Variants in PARP11 observed in about 807,000 individuals in gnomAD.
PARP11 encodes the protein protein mono-ADP-ribosyltransferase PARP11.
Under a neutral mutation model 42.9 loss-of-function variants are expected in PARP11, and 31 were observed. That is an observed-to-expected ratio of 0.72 (90% CI 0.54 to 0.98). The LOEUF is 0.98. Among genes scored for constraint, PARP11 ranks in the 50% least tolerant of loss-of-function variants. The probability of loss-of-function intolerance (pLI) is 0.00; values close to 1 mark genes in which losing one functional copy is unlikely to be tolerated. For missense variants in PARP11, 365 were observed against 413.1 expected, an observed-to-expected ratio of 0.88 and a Z score of 1.01; for synonymous variants, 137 against 127.3, an observed-to-expected ratio of 1.08 and a Z score of -0.51.
chr12:3,840,568 C>T lies in PARP11; in HGVS notation c.19-10550G>A. 2.6e-6 allele frequency: 4 copies of T among 1,534,974 alleles called. No homozygotes were observed. Among genetic ancestry groups the T allele is most frequent in the Non-Finnish European group, 3.6e-6 (4 of 1,108,120 alleles). ...TTCACAGATCATAAGAAAACCTGAT[C>T]GTGAAAGAGTTGAGGATTCTGATCA... On this transcript the variant is annotated intron_variant, in intron 1 of 7. Coordinates refer to ENST00000228820, the MANE Select transcript of PARP11 (RefSeq NM_020367.6). The surrounding 1 kb of genome is among the most constrained non-coding windows in gnomAD (Gnocchi z 4.4).
At chr12:3,855,609 C>T (rs1375420631) in intron 1 of PARP11, among the ~76,000 whole-genome samples, 1 of 152,164 alleles carries the variant, frequency 6.6e-6, no homozygotes, top group Non-Finnish European at 1.5e-5. Flanking sequence ...CAAAGCACTG[C>T]TCAACGAAAT....
intron 1 of PARP11, among the ~76,000 whole-genome samples, chr12:3,845,664 T>C (rs1387116191): frequency 6.6e-6 from 1 of 152,246 alleles, no homozygotes; most frequent in Non-Finnish European, 1.5e-5. Flanking sequence ...TTCTGTGTAC[T>C]GTGTTTTGCT....
At position 3,840,608 on chromosome 12, in the gene PARP11, C is replaced by G. The variant is rs1285048824; in HGVS notation, c.19-10590G>C. Reference sequence around the variant, plus strand: ...GATTCTGATCACACAAGTCGAGAATCTAACTATTGCTACTTCTCAGAGTAG... The same window carrying G: ...GATTCTGATCACACAAGTCGAGAATGTAACTATTGCTACTTCTCAGAGTAG... On this transcript the variant is annotated intron_variant, in intron 1 of 7. Coordinates refer to ENST00000228820, the MANE Select transcript of PARP11 (RefSeq NM_020367.6). This position sits in a 1 kb window ranked among gnomAD's most constrained non-coding sequence, Gnocchi z 4.4. 9 of 1,304,672 alleles carry G rather than the reference C, an allele frequency of 6.9e-6. No individual in the cohort carries two copies. The highest frequency in any genetic ancestry group is 1.5e-5 in the African/African-American group (1 of 68,704). 80.8% of individuals were successfully genotyped at this position (1,304,672 alleles called of 1,614,324 possible). A position where few individuals can be genotyped will look rare whatever the true frequency, so the allele number is the denominator to read the frequency against.
rs189208678 is a variant in PARP11, at chr12:3,856,329, G to C, written c.18+16883C>G. On this transcript the variant is annotated intron_variant, in intron 1 of 7. Coordinates refer to ENST00000228820, the MANE Select transcript of PARP11 (RefSeq NM_020367.6). ...CAAGAAACTACCATCAGAGTGAACA[G>C]GCAACCTACAGAATGGGAAAAAATT... 2.9e-3 allele frequency among the ~76,000 whole-genome samples: 444 copies of C among 152,234 alleles called. 3 individuals carry two copies. Among genetic ancestry groups the C allele is most frequent in the African/African-American group, 0.01 (431 of 41,518 alleles).
rs928444227 is a variant in PARP11 at position 3,855,261 on chromosome 12, T to A, written c.18+17951A>T. 2.6e-5 allele frequency among the ~76,000 whole-genome samples: 4 copies of A among 152,108 alleles called. No homozygotes were observed. In the East Asian group the frequency reaches 7.7e-4, roughly 29 times the overall value. On this transcript the variant is annotated intron_variant, in intron 1 of 7. Transcript: ENST00000228820. ...CCTCTCTCACCACTCCTATTCAACA[T>A]AGTGTTGAAAGTTCTGGCCAGGGCA...
At chr12:3,824,691 A>G (rs1046214561) in intron 4 of PARP11, 2 of 911,704 alleles carry the variant, frequency 2.2e-6, no homozygotes, top group African/African-American at 3.6e-5. Flanking sequence ...GACAGAACAA[A>G]GTGTTTGATC....
At chr12:3,862,879 C>G (rs1282990938) in intron 1 of PARP11, among the ~76,000 whole-genome samples, 1 of 152,040 alleles carries the variant, frequency 6.6e-6, no homozygotes, top group African/African-American at 2.4e-5. Context: ...CAAACTTGTT[C>G]TTCTTTTTCA....
rs550657228 is a variant in PARP11 at position 3,843,312 on chromosome 12, C to T, written c.19-13294G>A. ...CTACTCGAAAGAAATGTAGATGCTACGCATTTTGAAAATAATCTGCATCAG... is the reference window on the plus strand; with the variant it reads ...CTACTCGAAAGAAATGTAGATGCTATGCATTTTGAAAATAATCTGCATCAG... On this transcript the variant is annotated intron_variant, in intron 1 of 7. Coordinates refer to ENST00000228820, the MANE Select transcript of PARP11 (RefSeq NM_020367.6). 1.4e-4 allele frequency among the ~76,000 whole-genome samples: 21 copies of T among 152,254 alleles called. No homozygotes were observed. The South Asian group carries it at 1.5e-3, about 11-fold the overall frequency.
At chr12:3,826,264 C>A in intron 3 of PARP11, 31 bp from the exon 4 acceptor site, 1 of 1,451,926 alleles carries the variant, frequency 6.9e-7, no homozygotes, top group South Asian at 1.2e-5. Flanking sequence ...TTAGATAAGT[C>A]ATAAAAGTAC....
intron 4 of PARP11, among the ~76,000 whole-genome samples, chr12:3,825,404 A>C (rs1316638905): frequency 6.6e-6 from 1 of 152,212 alleles, no homozygotes; most frequent in Non-Finnish European, 1.5e-5. Context: ...GTCTCTACAA[A>C]TTTGAAATTA....
At chr12:3,846,211 A>G (rs1307842055) in intron 1 of PARP11, among the ~76,000 whole-genome samples, 2 of 152,130 alleles carry the variant, frequency 1.3e-5, no homozygotes, top group Non-Finnish European at 2.9e-5. Flanking sequence ...GAATGTATAA[A>G]ATAAGAGTAA....
At position 3,839,567 on chromosome 12, in the gene PARP11, G is replaced by A. The variant is rs956013199; in HGVS notation, c.19-9549C>T. 3 of 1,438,862 alleles carry A rather than the reference G, an allele frequency of 2.1e-6. No individual in the cohort carries two copies. In the African/African-American group the frequency reaches 4.2e-5, roughly 20 times the overall value. 89.1% of individuals were successfully genotyped at this position (1,438,862 alleles called of 1,614,324 possible). ...GCGATTATAGGAGGATCATTTGAAG[G>A]ATATTTAAAGCGCTTGGAAAATCCA... On this transcript the variant is annotated intron_variant, in intron 1 of 7. Coordinates refer to ENST00000228820, the MANE Select transcript of PARP11 (RefSeq NM_020367.6).
intron 3 of PARP11, 42 bp from the exon 4 acceptor site, chr12:3,826,275 A>G: frequency 1.4e-6 from 2 of 1,399,148 alleles, no homozygotes; most frequent in Non-Finnish European, 9.8e-7. Flanking sequence ...ATAAAAGTAC[A>G]CTGTACTATA....
chr12:3,815,782 T>C (rs1040580231), intron 6 of PARP11, among the ~76,000 whole-genome samples: 3 of 152,212 alleles, frequency 2.0e-5, no homozygotes, highest in East Asian at 1.9e-4. Context: ...ATAAACTGAA[T>C]GCAATAGATT....
At chr12:3,827,067 G>T (rs1055994209) in intron 3 of PARP11, among the ~76,000 whole-genome samples, 3 of 152,172 alleles carry the variant, frequency 2.0e-5, no homozygotes, top group Non-Finnish European at 4.4e-5. Flanking sequence ...ACTGTTCAGG[G>T]AAAAAGCAAG....
At chr12:3,852,322 T>A (rs1948112151) in intron 1 of PARP11, among the ~76,000 whole-genome samples, 1 of 152,126 alleles carries the variant, frequency 6.6e-6, no homozygotes, top group Admixed American at 6.5e-5. Flanking sequence ...AGAAGGTTGG[T>A]AATAACAAAC....
Position 3,826,245 on chromosome 12 carries a change from G to A in PARP11, c.269-12C>T, listed in dbSNP as rs768332783. On this transcript the variant is annotated splice_polypyrimidine_tract_variant and intron_variant, in intron 3 of 7. Coordinates refer to ENST00000228820, the MANE Select transcript of PARP11 (RefSeq NM_020367.6). ...CATTTGCTTCATTTCTGTATACAAAGACAAGATATTAGATAAGTCATAAAA... is the reference window on the plus strand; with the variant it reads ...CATTTGCTTCATTTCTGTATACAAAAACAAGATATTAGATAAGTCATAAAA... The A allele has an allele frequency of 1.9e-6, 3 of 1,566,194 alleles. No individual in the cohort carries two copies. The highest frequency in any genetic ancestry group is 2.6e-6 in the Non-Finnish European group (3 of 1,158,724).
Position 3,840,595 on chromosome 12 carries a change from A to G in PARP11, c.19-10577T>C. 1 of 1,401,414 alleles carries G rather than the reference A, an allele frequency of 7.1e-7. No individual in the cohort carries two copies. The highest frequency in any genetic ancestry group is 1.4e-5 in the African/African-American group (1 of 70,696). 86.8% of individuals were successfully genotyped at this position (1,401,414 alleles called of 1,614,324 possible). A position where few individuals can be genotyped will look rare whatever the true frequency, so the allele number is the denominator to read the frequency against. On this transcript the variant is annotated intron_variant, in intron 1 of 7. Transcript: ENST00000228820. The surrounding 1 kb of genome is among the most constrained non-coding windows in gnomAD (Gnocchi z 4.4). The stretch of plus-strand genomic sequence containing the variant: ...TGAAAGAGTTGAGGATTCTGATCAC[A>G]CAAGTCGAGAATCTAACTATTGCTA...
At chr12:3,841,535 C>T (rs927465316) in intron 1 of PARP11, 86 of 1,597,384 alleles carry the variant, frequency 5.4e-5, no homozygotes, top group South Asian at 5.2e-4. Flanking sequence ...ATTGGACCGC[C>T]GACATTTTCT....
Sources: allele counts gnomAD v4.1 joint callset (sites outside exome capture counted in the v4.1 genomes callset), GRCh38; gene constraint gnomAD v4.1.1; non-coding constraint Gnocchi (gnomAD v3.1); transcripts MANE v1.5; gene names NCBI Gene and HGNC (gene_info 2026-07-23, HGNC 2026-07-21).